RIMS2: variants seen among roughly 807,000 people sequenced by gnomAD.
The protein encoded by RIMS2 is regulating synaptic membrane exocytosis 2, also known as regulating synaptic membrane exocytosis protein 2.
In RIMS2, 59 loss-of-function variants were observed where a neutral mutation model predicts 174.4. That is an observed-to-expected ratio of 0.34 (90% CI 0.27 to 0.42). The LOEUF is 0.42. Ranked by LOEUF, RIMS2 falls within the 10% of genes least tolerant of loss-of-function variation. RIMS2 has a pLI of 1.00. For missense variants in RIMS2, 1,620 were observed against 1,666.3 expected (o/e 0.97, Z 0.48); for synonymous variants, 606 against 572.5 (o/e 1.06, Z -0.84).
At chr8:103,747,076 T>C (rs1365624592) in intron 2 of RIMS2, among the ~76,000 whole-genome samples, 1 of 57,098 alleles carries the variant, frequency 1.8e-5, no homozygotes, top group Non-Finnish European at 4.0e-5. Flanking sequence ...ATCTTCTTTC[T>C]TTTTTTTTTA....
At chr8:103,661,862 G>C (rs2096605488) in intron 1 of RIMS2, among the ~76,000 whole-genome samples, 3 of 152,146 alleles carry the variant, frequency 2.0e-5, no homozygotes, top group Admixed American at 2.0e-4. Context: ...TTTGCATCTG[G>C]CCTAGAAAGG....
At chr8:103,779,465 A>C (rs2098359602) in intron 3 of RIMS2, among the ~76,000 whole-genome samples, 1 of 151,940 alleles carries the variant, frequency 6.6e-6, no homozygotes, top group Admixed American at 6.6e-5. Flanking sequence ...TCTGTATATG[A>C]ATATCCAGTT....
chr8:103,967,176 T>TG (rs1460530882), intron 15 of RIMS2, among the ~76,000 whole-genome samples: 2 of 121,182 alleles, frequency 1.7e-5, no homozygotes, highest in African/African-American at 3.5e-5. Flanking sequence ...TCTTGTTTTT[T>TG]TTTTTTTTTT....
intron 1 of RIMS2, among the ~76,000 whole-genome samples, chr8:103,645,005 A>G (rs1269170417): frequency 6.6e-6 from 1 of 151,960 alleles, no homozygotes; most frequent in Non-Finnish European, 1.5e-5. Context: ...TTAGCATACT[A>G]TTATTTGGTG....
chr8:103,963,879 T>A (rs1212149700), intron 15 of RIMS2, among the ~76,000 whole-genome samples: 1 of 152,204 alleles, frequency 6.6e-6, no homozygotes, highest in East Asian at 1.9e-4. Context: ...ATTATTGATC[T>A]TCTTACTGTC....
intron 1 of RIMS2, among the ~76,000 whole-genome samples, chr8:103,513,146 A>G (rs982026347): frequency 6.6e-6 from 1 of 152,216 alleles, no homozygotes; most frequent in Non-Finnish European, 1.5e-5. Flanking sequence ...GGCTGCCTGC[A>G]GTCGGCAAGT....
At chr8:104,096,067 G>A (rs966207225) in intron 19 of RIMS2, among the ~76,000 whole-genome samples, 1 of 151,912 alleles carries the variant, frequency 6.6e-6, no homozygotes, top group African/African-American at 2.4e-5. Flanking sequence ...TAATTACATT[G>A]GTTTACTAAT....
chr8:103,862,503 G>A (rs1352639025), intron 3 of RIMS2, among the ~76,000 whole-genome samples: 2 of 151,294 alleles, frequency 1.3e-5, no homozygotes, highest in Non-Finnish European at 2.9e-5. Flanking sequence ...TTAATTTTGT[G>A]AAGAATTATG....
In RIMS2 at chr8:103,746,744, C is replaced by T. The variant is rs553983959; in HGVS notation, c.388-19483C>T. Among the ~76,000 whole-genome samples, 83 of 151,772 alleles carry T rather than the reference C, an allele frequency of 5.5e-4. 1 individual carries two copies. In the Middle Eastern group the frequency reaches 0.01, roughly 19 times the overall value. ...CACCCAGGCTGGAGTGCAGTGGTGC[C>T]ATCTCGGCTCACTGCAACCTCCGCC... On this transcript the variant is annotated intron_variant, in intron 2 of 23. Transcript: ENST00000504942.
chr8:103,756,014 G>A (rs1381979455), intron 2 of RIMS2, among the ~76,000 whole-genome samples: 2 of 152,118 alleles, frequency 1.3e-5, no homozygotes, highest in Non-Finnish European at 2.9e-5. Flanking sequence ...GTGCTCTGGT[G>A]TTTAGAATTT....
intron 19 of RIMS2, among the ~76,000 whole-genome samples, chr8:104,110,027 A>G (rs1395990224): frequency 6.6e-6 from 1 of 152,178 alleles, no homozygotes; most frequent in East Asian, 1.9e-4. Flanking sequence ...TAGAGGGGAG[A>G]TGGATAAGTG....
chr8:103,996,290 T>C (rs1397709271), intron 17 of RIMS2, among the ~76,000 whole-genome samples: 1 of 151,562 alleles, frequency 6.6e-6, no homozygotes, highest in Non-Finnish European at 1.5e-5. Flanking sequence ...AAAAAAGTGA[T>C]GTGCTAAAAA....
chr8:103,760,575 A>G (rs1284072915), intron 2 of RIMS2, among the ~76,000 whole-genome samples: 2 of 152,218 alleles, frequency 1.3e-5, no homozygotes, highest in East Asian at 3.8e-4. Context: ...GGATCTGATC[A>G]TGGGAATGCT....
chr8:103,504,734 T>C (rs1822433949), intron 1 of RIMS2, among the ~76,000 whole-genome samples: 1 of 152,056 alleles, frequency 6.6e-6, no homozygotes, highest in Non-Finnish European at 1.5e-5. Flanking sequence ...ACATATATAG[T>C]GAGCAGTTCT....
At chr8:103,795,688 A>G (rs1463160296) in intron 3 of RIMS2, among the ~76,000 whole-genome samples, 2 of 152,110 alleles carry the variant, frequency 1.3e-5, no homozygotes, top group Non-Finnish European at 2.9e-5. Context: ...AAGATACACA[A>G]TTCTCTGATT....
chr8:103,656,842 T>C (rs144356661), intron 1 of RIMS2, among the ~76,000 whole-genome samples: 2 of 152,260 alleles, frequency 1.3e-5, no homozygotes, highest in East Asian at 3.9e-4. Context: ...GTGGACTAAC[T>C]TAAAAGTTAA....
At chr8:103,897,484 C>T (rs919454560) in intron 4 of RIMS2, among the ~76,000 whole-genome samples, 4 of 151,726 alleles carry the variant, frequency 2.6e-5, no homozygotes, top group Middle Eastern at 3.4e-3. Flanking sequence ...TGGAAGTCTG[C>T]GTTACCTTCA....
intron 1 of RIMS2, among the ~76,000 whole-genome samples, chr8:103,578,653 G>T (rs2093412700): frequency 6.6e-6 from 1 of 152,142 alleles, no homozygotes; most frequent in South Asian, 2.1e-4. Flanking sequence ...TCCAGGAGGG[G>T]AGTGGGGCAA....
chr8:103,667,963 C>A (rs1589985767), intron 1 of RIMS2, among the ~76,000 whole-genome samples: 1 of 152,176 alleles, frequency 6.6e-6, no homozygotes. Context: ...AAGACCAAAT[C>A]TCTGAGTTTT....
Sources: allele counts gnomAD v4.1 joint callset (sites outside exome capture counted in the v4.1 genomes callset), GRCh38; gene constraint gnomAD v4.1.1; transcripts MANE v1.5; gene names NCBI Gene and HGNC (gene_info 2026-07-23, HGNC 2026-07-21).